Variants in NEK7 observed in about 807,000 individuals in gnomAD.
NEK7 encodes NIMA related kinase 7, also known as serine/threonine-protein kinase Nek7.
Under a neutral mutation model 44.6 loss-of-function variants are expected in NEK7, and 18 were observed. That is an observed-to-expected ratio of 0.40 (90% confidence interval 0.28 to 0.60). NEK7 has a LOEUF of 0.60. NEK7 is among the 20% of genes least tolerant of loss of function. The probability of loss-of-function intolerance (pLI) is 0.38; values close to 1 mark genes in which losing one functional copy is unlikely to be tolerated. For missense variants in NEK7, 256 were observed against 366.5 expected (o/e 0.70, Z 2.46); for synonymous variants, 130 against 121.1 (o/e 1.07, Z -0.48).
chr1:198,163,323 T>C (rs1238471981), intron 1 of NEK7, among the ~76,000 whole-genome samples: 2 of 151,922 alleles, frequency 1.3e-5, no homozygotes, highest in Non-Finnish European at 2.9e-5. Context: ...TGAGACCCTG[T>C]CACTACAAAA....
intron 1 of NEK7, among the ~76,000 whole-genome samples, chr1:198,201,557 T>C (rs1394567832): frequency 6.6e-6 from 1 of 152,244 alleles, no homozygotes; most frequent in Non-Finnish European, 1.5e-5. Flanking sequence ...AAAAGGTTGC[T>C]AATTCCTGCT....
chr1:198,235,341 A>T (rs919370097), intron 2 of NEK7, among the ~76,000 whole-genome samples: 6 of 151,956 alleles, frequency 3.9e-5, no homozygotes, highest in Non-Finnish European at 8.8e-5. Flanking sequence ...ATGTATTTTG[A>T]AATTTTTTCT....
At chr1:198,176,061 C>A (rs1023509159) in intron 1 of NEK7, among the ~76,000 whole-genome samples, 8 of 152,158 alleles carry the variant, frequency 5.3e-5, no homozygotes, top group African/African-American at 1.9e-4. Flanking sequence ...AGCAGGTGCT[C>A]ATGTGAATTT....
chr1:198,258,241 C>T (rs1368846133), intron 3 of NEK7, among the ~76,000 whole-genome samples: 2 of 152,064 alleles, frequency 1.3e-5, no homozygotes, highest in African/African-American at 4.8e-5. Flanking sequence ...GAGATCAAGA[C>T]CATCCTGGCC....
intron 1 of NEK7, among the ~76,000 whole-genome samples, 162 bp downstream of exon 1, chr1:198,157,438 C>G (rs1663932916): frequency 6.6e-6 from 1 of 152,110 alleles, no homozygotes; most frequent in Non-Finnish European, 1.5e-5. Context: ...GCGCTCGAGG[C>G]GGATGGGGGT....
intron 9 of NEK7, among the ~76,000 whole-genome samples, chr1:198,311,029 A>G (rs1484042992): frequency 6.7e-6 from 1 of 149,222 alleles, no homozygotes; most frequent in Non-Finnish European, 1.5e-5. Context: ...TACCTTGGAC[A>G]GTATGGCCAT....
At chr1:198,172,159 G>C (rs150219752) in intron 1 of NEK7, among the ~76,000 whole-genome samples, 1 of 152,140 alleles carries the variant, frequency 6.6e-6, no homozygotes, top group African/African-American at 2.4e-5. Flanking sequence ...AAAGAGACAG[G>C]AGTCTAGGTT....
At chr1:198,286,383 A>G (rs911401660) in intron 7 of NEK7, among the ~76,000 whole-genome samples, 26 of 150,618 alleles carry the variant, frequency 1.7e-4, no homozygotes, top group African/African-American at 6.4e-4. Context: ...AAAAAAGAAC[A>G]CCATCCCAAA....
chr1:198,186,396 TTTTTG>T (rs533357562), intron 1 of NEK7, among the ~76,000 whole-genome samples: 42 of 152,230 alleles, frequency 2.8e-4, no homozygotes, highest in African/African-American at 6.7e-4. Flanking sequence ...AAAGAGCAAG[TTTTTG>T]TTTTGTTTTG....
At chr1:198,287,727 A>T (rs201542275) in intron 7 of NEK7, among the ~76,000 whole-genome samples, 2 of 142,386 alleles carry the variant, frequency 1.4e-5, no homozygotes, top group African/African-American at 2.6e-5. Flanking sequence ...TTTTTGCTTT[A>T]AAAAAAAAAA....
intron 2 of NEK7, among the ~76,000 whole-genome samples, chr1:198,247,848 A>G (rs886850954): frequency 1.6e-4 from 24 of 152,326 alleles, no homozygotes; most frequent in African/African-American, 5.5e-4. Context: ...GGGTTAATGC[A>G]AAGTGTTGCC....
chr1:198,256,377 G>T, intron 3 of NEK7: 1 of 1,611,802 alleles, frequency 6.2e-7, no homozygotes, highest in Admixed American at 1.7e-5. Context: ...CTAAATGCAT[G>T]TTACTTCTTG....
chr1:198,278,922 A>G (rs367713444), intron 6 of NEK7, 32 bp from the exon 7 acceptor site: 32 of 1,160,998 alleles, frequency 2.8e-5, no homozygotes, highest in African/African-American at 1.4e-4. Context: ...AATGTCTATC[A>G]TCTTTTACCT....
At chr1:198,239,555 G>A (rs1028279300) in intron 2 of NEK7, among the ~76,000 whole-genome samples, 19 of 152,026 alleles carry the variant, frequency 1.2e-4, no homozygotes, top group African/African-American at 4.6e-4. Flanking sequence ...AGACAATAAT[G>A]AGATTACTTT....
intron 9 of NEK7, among the ~76,000 whole-genome samples, chr1:198,305,378 A>G (rs1332533628): frequency 3.3e-5 from 5 of 152,196 alleles, no homozygotes; most frequent in African/African-American, 1.2e-4. Flanking sequence ...ATAAATGTTA[A>G]AAGTTTTTAA....
At chr1:198,259,548 A>G (rs936692636) in intron 3 of NEK7, among the ~76,000 whole-genome samples, 1 of 152,084 alleles carries the variant, frequency 6.6e-6, no homozygotes, top group African/African-American at 2.4e-5. Flanking sequence ...ATTTCCTGAG[A>G]ATGGCATCAG....
At chr1:198,274,138 A>G (rs928173646) in intron 5 of NEK7, among the ~76,000 whole-genome samples, 4 of 117,484 alleles carry the variant, frequency 3.4e-5, no homozygotes, top group South Asian at 6.2e-4. Context: ...GAAGAAATGG[A>G]GAGCAGCTGG....
chr1:198,185,560 T>C (rs1471542839), intron 1 of NEK7, among the ~76,000 whole-genome samples: 1 of 152,128 alleles, frequency 6.6e-6, no homozygotes, highest in Admixed American at 6.5e-5. Context: ...TTTTAAAAAT[T>C]AGAAATTTGT....
At chr1:198,224,489 T>C (rs1231134869) in intron 1 of NEK7, among the ~76,000 whole-genome samples, 1 of 152,188 alleles carries the variant, frequency 6.6e-6, no homozygotes, top group African/African-American at 2.4e-5. Context: ...TCTCAGCACA[T>C]GTCCTCTTCG....
Sources: allele counts gnomAD v4.1 joint callset (sites outside exome capture counted in the v4.1 genomes callset), GRCh38; gene constraint gnomAD v4.1.1; transcripts MANE v1.5; gene names NCBI Gene and HGNC (gene_info 2026-07-23, HGNC 2026-07-21).